The following GRM8 variants were observed in gnomAD, a reference collection of about 807,000 sequenced individuals.
The protein encoded by GRM8 is glutamate metabotropic receptor 8.
A neutral mutation model predicts 87.2 loss-of-function variants in GRM8; 47 were observed. The ratio of observed to expected loss-of-function variants is 0.54; its 90% CI spans 0.43 to 0.69. GRM8 has a LOEUF of 0.69. GRM8 is among the 30% of genes least tolerant of loss of function. The pLI is 0.00. For synonymous variants in GRM8, 396 were observed against 404.5 expected (o/e 0.98, Z 0.25); for missense variants, 1,019 against 1,139.2 (o/e 0.89, Z 1.52).
In GRM8 at chr7:126,917,580, A is replaced by T. The variant is rs536140532; in HGVS notation, c.728-12897T>A. On this transcript the variant is annotated intron_variant, in intron 3 of 10. Coordinates refer to ENST00000339582, the MANE Select transcript of GRM8 (RefSeq NM_000845.3). ...CAGGTTAGTAGGGTAAACATTATAA[A>T]TTTATTTTTACATGGAAAAAACTGT... is the stretch of plus-strand genomic sequence containing the variant. 2.6e-5 allele frequency among the ~76,000 whole-genome samples: 4 copies of T among 152,304 alleles called. No individual in the cohort carries two copies. In the South Asian group the frequency reaches 8.3e-4, roughly 32 times the overall value.
intron 8 of GRM8, among the ~76,000 whole-genome samples, chr7:126,580,329 A>C (rs1795492722): frequency 6.6e-6 from 1 of 152,138 alleles, no homozygotes; most frequent in African/African-American, 2.4e-5. Flanking sequence ...GAAAATTCCA[A>C]GACTCCCTCT....
chr7:126,738,557 T>C (rs770829798), intron 7 of GRM8, among the ~76,000 whole-genome samples: 2 of 151,916 alleles, frequency 1.3e-5, no homozygotes, highest in African/African-American at 2.4e-5. Flanking sequence ...ACACCTAATT[T>C]TGAACTTGAT....
At chr7:126,764,925 C>T (rs1585841160) in intron 7 of GRM8, among the ~76,000 whole-genome samples, 2 of 152,156 alleles carry the variant, frequency 1.3e-5, no homozygotes, top group East Asian at 3.9e-4. Flanking sequence ...TCTCAGGTTT[C>T]CAACTCCCTG....
At chr7:127,085,372 C>T (rs949565056) in intron 3 of GRM8, among the ~76,000 whole-genome samples, 1 of 152,150 alleles carries the variant, frequency 6.6e-6, no homozygotes, top group African/African-American at 2.4e-5. Context: ...GTTGTAGATC[C>T]TTGAGGAATC....
chr7:127,145,243 C>T (rs561696407), intron 2 of GRM8, among the ~76,000 whole-genome samples: 29 of 152,202 alleles, frequency 1.9e-4, no homozygotes, highest in African/African-American at 5.5e-4. Flanking sequence ...AAACTAATCA[C>T]GATCAGAAAC....
At chr7:126,749,494 C>T (rs1816142964) in intron 7 of GRM8, among the ~76,000 whole-genome samples, 3 of 150,660 alleles carry the variant, frequency 2.0e-5, no homozygotes, top group South Asian at 4.2e-4. Context: ...TCAAAAGATA[C>T]CATTATGAAA....
intron 9 of GRM8, among the ~76,000 whole-genome samples, chr7:126,504,210 A>G (rs145948127): frequency 9.2e-5 from 14 of 152,180 alleles, no homozygotes; most frequent in African/African-American, 2.9e-4. Context: ...ATGTCTTTAT[A>G]ATTATCAAAT....
At chr7:126,607,065 A>G (rs1240743387) in intron 8 of GRM8, among the ~76,000 whole-genome samples, 1 of 152,238 alleles carries the variant, frequency 6.6e-6, no homozygotes, top group Non-Finnish European at 1.5e-5. Flanking sequence ...TTCCTATCTT[A>G]GACCTTGTCA....
At chr7:126,796,604 T>C (rs927696040) in intron 6 of GRM8, among the ~76,000 whole-genome samples, 5 of 151,996 alleles carry the variant, frequency 3.3e-5, no homozygotes, top group African/African-American at 1.2e-4. Flanking sequence ...ACTAAATCCC[T>C]TTAAATTAAA....
intron 6 of GRM8, among the ~76,000 whole-genome samples, chr7:126,900,627 A>G: frequency 6.6e-6 from 1 of 151,068 alleles, no homozygotes; most frequent in Non-Finnish European, 1.5e-5. Context: ...CTCCTGCCTC[A>G]GCCTCCCAAG....
At chr7:126,614,898 T>C (rs1019146220) in intron 7 of GRM8, among the ~76,000 whole-genome samples, 19 of 152,214 alleles carry the variant, frequency 1.2e-4, no homozygotes, top group African/African-American at 4.3e-4. Flanking sequence ...CTACGTCTGA[T>C]TGGTGTACCT....
At chr7:126,881,739 A>G (rs1481747056) in intron 6 of GRM8, among the ~76,000 whole-genome samples, 2 of 152,162 alleles carry the variant, frequency 1.3e-5, no homozygotes, top group Non-Finnish European at 2.9e-5. Flanking sequence ...GTTAGAAGCT[A>G]TTTCCTTACC....
intron 9 of GRM8, among the ~76,000 whole-genome samples, chr7:126,516,297 T>A (rs1043686236): frequency 3.3e-5 from 5 of 151,814 alleles, no homozygotes; most frequent in Non-Finnish European, 5.9e-5. Context: ...TAACATAACA[T>A]CTGCATTTCT....
At chr7:126,878,734 T>C (rs987043038) in intron 6 of GRM8, among the ~76,000 whole-genome samples, 2 of 151,958 alleles carry the variant, frequency 1.3e-5, no homozygotes, top group African/African-American at 4.8e-5. Context: ...ACCATGTTGG[T>C]CAGGCTGTTC....
intron 3 of GRM8, among the ~76,000 whole-genome samples, chr7:126,934,520 T>C (rs1282650416): frequency 1.3e-5 from 2 of 152,114 alleles, no homozygotes; most frequent in Non-Finnish European, 2.9e-5. Flanking sequence ...AAACATTAAA[T>C]AGTATGAGAT....
chr7:127,051,502 T>G (rs1292995932), intron 3 of GRM8, among the ~76,000 whole-genome samples: 1 of 152,074 alleles, frequency 6.6e-6, no homozygotes, highest in African/African-American at 2.4e-5. Context: ...CACCGTAACC[T>G]TTTCATGATC....
intron 3 of GRM8, among the ~76,000 whole-genome samples, chr7:126,974,936 C>CAAAAAAAAAAA (rs36129145): frequency 1.7e-5 from 1 of 59,620 alleles, no homozygotes; most frequent in Non-Finnish European, 2.9e-5. Flanking sequence ...ACTCTTGTCT[C>CAAAAAAAAAAA]AAAAAAAAAA....
intron 6 of GRM8, among the ~76,000 whole-genome samples, chr7:126,825,922 C>T (rs908114081): frequency 6.6e-6 from 1 of 150,510 alleles, no homozygotes; most frequent in African/African-American, 2.5e-5. Context: ...TTCCTGTGTC[C>T]ATGTGTTCTC....
At chr7:126,540,892 T>A (rs1284383042) in intron 8 of GRM8, among the ~76,000 whole-genome samples, 6 of 152,186 alleles carry the variant, frequency 3.9e-5, no homozygotes, top group Non-Finnish European at 7.3e-5. Context: ...TTGCATACTT[T>A]GAAAGAGATC....
Sources: gnomAD v4.1 joint callset for allele counts (sites outside exome capture counted in the v4.1 genomes callset) on GRCh38, gnomAD v4.1.1 for gene constraint, MANE v1.5 for transcripts, NCBI Gene and HGNC (gene_info 2026-07-23, HGNC 2026-07-21) for gene names.